SLC4A10: variants seen among roughly 807,000 people sequenced by gnomAD.
SLC4A10 encodes sodium-driven chloride bicarbonate exchanger.
SLC4A10 carries 42 observed loss-of-function variants against 137.7 expected under a neutral mutation model. That is an observed-to-expected ratio of 0.30 (90% CI 0.24 to 0.39). The LOEUF (loss-of-function observed/expected upper bound fraction) is 0.39, where lower values mean the gene tolerates loss of function less well. Among genes scored for constraint, SLC4A10 ranks in the 10% least tolerant of loss-of-function variants. The pLI is 1.00. For synonymous variants in SLC4A10, 474 were observed against 464.1 expected (o/e 1.02, Z -0.27); for missense variants, 925 against 1,355.0 (o/e 0.68, Z 4.98).
intron 2 of SLC4A10, among the ~76,000 whole-genome samples, chr2:161,797,173 T>C (rs1388475116): frequency 6.6e-6 from 1 of 152,144 alleles, no homozygotes; most frequent in Non-Finnish European, 1.5e-5. Context: ...TATAAAAATA[T>C]ATGCTCTATC....
chr2:161,702,634 G>A (rs1035240523), intron 1 of SLC4A10, among the ~76,000 whole-genome samples: 1 of 151,774 alleles, frequency 6.6e-6, no homozygotes, highest in Non-Finnish European at 1.5e-5. Flanking sequence ...AAAATAGCTT[G>A]CTCTGGGAAA....
intron 2 of SLC4A10, among the ~76,000 whole-genome samples, chr2:161,802,278 C>T (rs754029761): frequency 1.7e-4 from 26 of 151,908 alleles, no homozygotes; most frequent in Non-Finnish European, 3.7e-4. Context: ...GGATTTTTTT[C>T]CAGCAATAGA....
At chr2:161,781,284 A>G (rs1246092237) in intron 2 of SLC4A10, among the ~76,000 whole-genome samples, 3 of 152,060 alleles carry the variant, frequency 2.0e-5, no homozygotes, top group Admixed American at 6.6e-5. Flanking sequence ...GATAAGCAGG[A>G]GGAAGTATCA....
chr2:161,701,640 C>T (rs952625802), intron 1 of SLC4A10, among the ~76,000 whole-genome samples: 21 of 151,866 alleles, frequency 1.4e-4, no homozygotes, highest in Admixed American at 9.9e-4. Context: ...TGACTATAAT[C>T]TCCCTACTAT....
At chr2:161,764,966 T>A (rs2050639272) in intron 1 of SLC4A10, among the ~76,000 whole-genome samples, 1 of 152,182 alleles carries the variant, frequency 6.6e-6, no homozygotes, top group African/African-American at 2.4e-5. Flanking sequence ...CCTATGTAAA[T>A]GGACTTAAGG....
intron 1 of SLC4A10, among the ~76,000 whole-genome samples, chr2:161,746,426 A>G (rs552438109): frequency 1.3e-5 from 2 of 152,132 alleles, no homozygotes; most frequent in Admixed American, 1.3e-4. Context: ...TCAAGGCCCA[A>G]GGACTACTTA....
chr2:161,830,790 C>A (rs533649344), intron 3 of SLC4A10, among the ~76,000 whole-genome samples: 42 of 152,128 alleles, frequency 2.8e-4, no homozygotes, highest in Non-Finnish European at 5.0e-4. Flanking sequence ...CCTTATATTT[C>A]ATCCATTCTA....
At chr2:161,646,510 G>A (rs531875508) in intron 1 of SLC4A10, among the ~76,000 whole-genome samples, 3 of 151,948 alleles carry the variant, frequency 2.0e-5, no homozygotes, top group African/African-American at 7.2e-5. Flanking sequence ...GAAAATAATA[G>A]GCTAACTTAA....
chr2:161,953,696 G>A (rs188984402), intron 19 of SLC4A10, among the ~76,000 whole-genome samples: 60 of 152,220 alleles, frequency 3.9e-4, no homozygotes, highest in African/African-American at 1.4e-3. Flanking sequence ...TACTACTCCC[G>A]AAGAATGGGG....
chr2:161,883,004 G>A (rs929539159), intron 10 of SLC4A10, among the ~76,000 whole-genome samples: 2 of 151,964 alleles, frequency 1.3e-5, no homozygotes, highest in African/African-American at 2.4e-5. Context: ...TAGATTTTTT[G>A]GGACTGGAAA....
At chr2:161,804,021 A>G (rs1323487467) in intron 2 of SLC4A10, among the ~76,000 whole-genome samples, 1 of 152,192 alleles carries the variant, frequency 6.6e-6, no homozygotes, top group Non-Finnish European at 1.5e-5. Context: ...TTTGGCATTA[A>G]CATAGACCTT....
At chr2:161,844,438 G>A (rs1185236433) in intron 4 of SLC4A10, among the ~76,000 whole-genome samples, 10 of 151,886 alleles carry the variant, frequency 6.6e-5, no homozygotes. Flanking sequence ...GGTATTCTTT[G>A]ATTACATGTT....
intron 1 of SLC4A10, among the ~76,000 whole-genome samples, chr2:161,692,078 A>G (rs1475511838): frequency 6.6e-6 from 1 of 152,002 alleles, no homozygotes; most frequent in Non-Finnish European, 1.5e-5. Context: ...TTTATTTAGG[A>G]GATATGACAA....
At chr2:161,818,858 G>A (rs1216054648) in intron 3 of SLC4A10, among the ~76,000 whole-genome samples, 1 of 152,144 alleles carries the variant, frequency 6.6e-6, no homozygotes, top group African/African-American at 2.4e-5. Flanking sequence ...AGTTTTTGAT[G>A]TGTTGCTGTA....
At chr2:161,657,924 A>T (rs777123433) in intron 1 of SLC4A10, among the ~76,000 whole-genome samples, 13 of 152,190 alleles carry the variant, frequency 8.5e-5, no homozygotes, top group Admixed American at 3.3e-4. Flanking sequence ...AATTATAATT[A>T]TTTAATTAAA....
intron 4 of SLC4A10, among the ~76,000 whole-genome samples, chr2:161,843,066 A>G (rs1996265): frequency 0.061 from 9,237 of 152,210 alleles, 369 homozygotes; most frequent in East Asian, 0.13. Flanking sequence ...CTTTACCCTC[A>G]TACTACATAA....
In SLC4A10 at chr2:161,945,822, G is replaced by C. The variant is rs573775723; in HGVS notation, c.2104-1744G>C. Among the ~76,000 whole-genome samples, 9 of 151,966 alleles carry C rather than the reference G, an allele frequency of 5.9e-5. No individual in the cohort carries two copies. The East Asian group carries it at 1.7e-3, about 29-fold the overall frequency. ...AAATTATAGAGTGTAAGACAGCTAA[G>C]GAACCCTTTAAATGTCATCTATGTT... is the stretch of plus-strand genomic sequence containing the variant. On this transcript the variant is annotated intron_variant, in intron 16 of 26. Coordinates refer to ENST00000446997, the MANE Select transcript of SLC4A10 (RefSeq NM_001178015.2).
chr2:161,887,790 C>T (rs1416895197), intron 10 of SLC4A10, among the ~76,000 whole-genome samples: 1 of 152,196 alleles, frequency 6.6e-6, no homozygotes, highest in African/African-American at 2.4e-5. Flanking sequence ...TTTTGCTGTG[C>T]AGAAGCTCTT....
chr2:161,941,821 T>C (rs554803536), intron 15 of SLC4A10, among the ~76,000 whole-genome samples: 4 of 152,288 alleles, frequency 2.6e-5, no homozygotes, highest in African/African-American at 9.6e-5. Flanking sequence ...GCTGACCTAC[T>C]GTTCCATCAT....
Sources: gnomAD v4.1 joint callset for allele counts (sites outside exome capture counted in the v4.1 genomes callset) on GRCh38, gnomAD v4.1.1 for gene constraint, MANE v1.5 for transcripts, NCBI Gene and HGNC (gene_info 2026-07-23, HGNC 2026-07-21) for gene names.